KCNH3: variants seen among roughly 807,000 people sequenced by gnomAD.
KCNH3 encodes the protein voltage-gated inwardly rectifying potassium channel KCNH3.
KCNH3 carries 36 observed loss-of-function variants against 95.6 expected under a neutral mutation model. That is an observed-to-expected ratio of 0.38 (90% CI 0.29 to 0.50). The LOEUF is 0.50. Among genes scored for constraint, KCNH3 ranks in the 20% least tolerant of loss-of-function variants. The pLI is 0.95. For synonymous variants in KCNH3, 620 were observed against 646.3 expected, an observed-to-expected ratio of 0.96 and a Z score of 0.62; for missense variants, 1,030 against 1,484.1, an observed-to-expected ratio of 0.69 and a Z score of 5.03.
intron 11 of KCNH3, among the ~76,000 whole-genome samples, 164 bp downstream of exon 11, chr12:49,554,718 G>A (rs1339355235): frequency 3.3e-5 from 5 of 151,844 alleles, no homozygotes; most frequent in Non-Finnish European, 7.4e-5. Context: ...CCACACTCAT[G>A]TGCCCAGCCC....
Position 49,550,077 on chromosome 12 carries a change from C to T in KCNH3, c.1669-3C>T. 1 of 1,499,892 alleles carries T rather than the reference C, an allele frequency of 6.7e-7. No individual in the cohort carries two copies. The highest frequency in any genetic ancestry group is 9.1e-7 in the Non-Finnish European group (1 of 1,102,832). 92.9% of individuals were successfully genotyped at this position (1,499,892 alleles called of 1,614,324 possible). A position where few individuals can be genotyped will look rare whatever the true frequency, so the allele number is the denominator to read the frequency against. On this transcript the variant is annotated splice_region_variant and splice_polypyrimidine_tract_variant and intron_variant, in intron 9 of 14. Coordinates refer to ENST00000257981, the MANE Select transcript of KCNH3 (RefSeq NM_012284.3). ...CCCCACCCCCGCACCTGCTCACCTG[C>T]AGCTGCTGCAGAGCCTCCCTGACGA...
At chr12:49,552,788 A>T (rs1238828119) in intron 10 of KCNH3, among the ~76,000 whole-genome samples, 1 of 152,206 alleles carries the variant, frequency 6.6e-6, no homozygotes, top group Non-Finnish European at 1.5e-5. Context: ...GCACGTGCTT[A>T]TTCTATTTCA....
chr12:49,544,461 GT>G, intron 7 of KCNH3, 79 bp downstream of exon 7: 1 of 1,402,844 alleles, frequency 7.1e-7, no homozygotes, highest in Non-Finnish European at 9.9e-7. Context: ...GTGCAGATGT[GT>G]GGTGTCCCTA....
Position 49,557,478 on chromosome 12 carries a change from C to T in KCNH3, c.2777C>T (p.Pro926Leu), listed in dbSNP as rs571160119. ...TGCCCTCGGGCATCGGGAGAGGGGC[C>T]GTGCCCAGCCAGCACCTCCGGGCTT... Reference protein sequence around the residue: ...GPCPRASGEGPCPASTSGLLQ... With the variant: ...GPCPRASGEGLCPASTSGLLQ... Residue 926 changes from proline to leucine, a missense_variant, in exon 15 of 15, where the codon CCG (proline) becomes CTG (leucine). By Grantham distance (98) the Pro-to-Leu change is moderately conservative. Transcript: ENST00000257981. 1.4e-5 allele frequency: 22 copies of T among 1,611,220 alleles called. 1 individual carries two copies. Among genetic ancestry groups the T allele is most frequent in the South Asian group, 1.3e-4 (12 of 90,968 alleles).
chr12:49,557,262 GGGTGAGGGGGAAGGTGGA>G lies in KCNH3; in HGVS notation c.2652+14_2652+31del, dbSNP rs1565784014. 6.2e-7 allele frequency: 1 copy of G among 1,613,996 alleles called. No homozygotes were observed. The highest frequency in any genetic ancestry group is 8.5e-7 in the Non-Finnish European group (1 of 1,179,992). Reference sequence around the variant, plus strand: ...CACTGGACAAGCTTCGGCAGGCGGTGGGTGAGGGGGAAGGTGGAGGTGAGGGGGGCACCAGGGGAAGGC... The same window carrying G: ...CACTGGACAAGCTTCGGCAGGCGGTGGGTGAGGGGGGCACCAGGGGAAGGC... On this transcript the variant is annotated splice_donor_5th_base_variant and intron_variant, in intron 14 of 14. Transcript: ENST00000257981.
intron 7 of KCNH3, among the ~76,000 whole-genome samples, chr12:49,548,676 C>T (rs545290698): frequency 1.9e-4 from 29 of 152,266 alleles, no homozygotes; most frequent in African/African-American, 6.5e-4. Flanking sequence ...GTGTGATTTC[C>T]CTTGTGTCAT....
chr12:49,556,689 T>C, intron 13 of KCNH3: 1 of 697,706 alleles, frequency 1.4e-6, no homozygotes, highest in Non-Finnish European at 2.6e-6. Flanking sequence ...ACTGGGTTTA[T>C]ATCCTTGCTC....
At chr12:49,547,173 A>T (rs1244592106) in intron 7 of KCNH3, among the ~76,000 whole-genome samples, 1 of 152,128 alleles carries the variant, frequency 6.6e-6, no homozygotes, top group Non-Finnish European at 1.5e-5. Context: ...GATTACATGC[A>T]TGAGCCACTG....
Position 49,557,800 on chromosome 12 carries a change from G to A in KCNH3, c.3099G>A (p.Val1033=), listed in dbSNP as rs372734906. 9.3e-6 allele frequency: 15 copies of A among 1,605,524 alleles called. No individual in the cohort carries two copies. The African/African-American group carries it at 1.6e-4, about 17-fold the overall frequency. Residue 1033 remains valine (V), a synonymous_variant, in exon 15 of 15, where the codon GTG becomes GTA. Transcript: ENST00000257981. Reference sequence around the variant, plus strand: ...CTAGGACTGGGCCCGCAGAGCCTGTGAGCCAGGCTGAGGCTACCAGCACTG... The same window carrying A: ...CTAGGACTGGGCCCGCAGAGCCTGTAAGCCAGGCTGAGGCTACCAGCACTG... The part of the protein sequence containing the change: ...EGARTGPAEP[V]SQAEATSTGE...
chr12:49,549,370 C>T (rs1938179499), intron 8 of KCNH3, 71 bp from the exon 9 acceptor site: 2 of 1,558,730 alleles, frequency 1.3e-6, no homozygotes, highest in Non-Finnish European at 1.8e-6. Flanking sequence ...GGGCCGAGGA[C>T]AGATGAGCCC....
At position 49,551,744 on chromosome 12, in the gene KCNH3, G is replaced by A. The variant is rs143498683; in HGVS notation, c.1918+1415G>A. The stretch of plus-strand genomic sequence containing the variant: ...TGACCTGACCACTGCTGACGACATC[G>A]AATCCTCAGGCAGCCAAGGCACGTG... On this transcript the variant is annotated intron_variant, in intron 10 of 14. Coordinates refer to ENST00000257981, the MANE Select transcript of KCNH3 (RefSeq NM_012284.3). Among the ~76,000 whole-genome samples the A allele has an allele frequency of 1.5e-3, 221 of 152,266 alleles. No homozygotes were observed. In the South Asian group the frequency reaches 0.015, roughly 10 times the overall value.
chr12:49,541,793 G>T, intron 3 of KCNH3, 29 bp downstream of exon 3: 1 of 1,612,330 alleles, frequency 6.2e-7, no homozygotes, highest in Non-Finnish European at 8.5e-7. Context: ...TGTGGTCGGG[G>T]TATTGGGTGC....
At position 49,544,157 on chromosome 12, in the gene KCNH3, T is replaced by TCC; in HGVS notation, c.982-16_982-15dup. On this transcript the variant is annotated splice_polypyrimidine_tract_variant and intron_variant, in intron 6 of 14. Coordinates refer to ENST00000257981, the MANE Select transcript of KCNH3 (RefSeq NM_012284.3). ...CCGCTGACCTCCCTCCCTCCCTCCCTCCCTCCCCGCATCTCAGTACTTCGG... is the reference window on the plus strand; with the variant it reads ...CCGCTGACCTCCCTCCCTCCCTCCCTCCCCCTCCCCGCATCTCAGTACTTCGG... 3.0e-6 allele frequency: 1 copy of TCC among 329,826 alleles called. No homozygotes were observed. The highest frequency in any genetic ancestry group is 2.5e-5 in the South Asian group (1 of 40,690). 20.4% of individuals were successfully genotyped at this position (329,826 alleles called of 1,614,324 possible). A position where few individuals can be genotyped will look rare whatever the true frequency, so the allele number is the denominator to read the frequency against.
In KCNH3 at chr12:49,557,515, G is replaced by T; in HGVS notation, c.2814G>T (p.Leu938=). ...PASTSGLLQP[L]CVDTGASSYC... ...GCACCTCCGGGCTTCTGCAGCCTCTGTGTGTGGACACTGGGGCATCCTCCT... is the reference window on the plus strand; with the variant it reads ...GCACCTCCGGGCTTCTGCAGCCTCTTTGTGTGGACACTGGGGCATCCTCCT... The change falls in exon 15 of 15, where the codon CTG becomes CTT. Residue 938 remains leucine, a synonymous_variant. Transcript: ENST00000257981. 1 of 1,611,762 alleles carries T rather than the reference G, an allele frequency of 6.2e-7. No individual in the cohort carries two copies. The highest frequency in any genetic ancestry group is 8.5e-7 in the Non-Finnish European group (1 of 1,179,968).
At position 49,557,612 on chromosome 12, in the gene KCNH3, C is replaced by A. The variant is rs61744560; in HGVS notation, c.2911C>A (p.Leu971Ile). 78 of 1,613,402 alleles carry A rather than the reference C, an allele frequency of 4.8e-5. 3 individuals carry two copies. Among genetic ancestry groups the A allele is most frequent in the Non-Finnish European group, 7.6e-6 (9 of 1,179,960 alleles). Residue 971 changes from leucine (L) to isoleucine (I), a missense_variant, in exon 15 of 15, where the codon CTC becomes ATC. Physicochemically the swap from Leu to Ile is conservative, Grantham distance 5 (BLOSUM62 2). Coordinates refer to ENST00000257981, the MANE Select transcript of KCNH3 (RefSeq NM_012284.3). ...WPHPRPGPPP[L>I]MAPWPWGPPA... Reference sequence around the variant, plus strand: ...CCACCCTCGTCCGGGGCCTCCTCCCCTCATGGCACCCTGGCCCTGGGGTCC... The same window carrying A: ...CCACCCTCGTCCGGGGCCTCCTCCCATCATGGCACCCTGGCCCTGGGGTCC...
At position 49,544,225 on chromosome 12, in the gene KCNH3, C is replaced by A; in HGVS notation, c.1032C>A (p.Arg344=). The A allele has an allele frequency of 6.3e-7, 1 of 1,594,692 alleles. No homozygotes were observed. Among genetic ancestry groups the A allele is most frequent in the Non-Finnish European group, 8.5e-7 (1 of 1,173,712 alleles). ...LKTVRLLRLL[R]LLPRLDRYSQ... ...CGGTGCGCCTGCTGCGCCTGCTGCG[C>A]CTGCTTCCGCGGCTGGACCGGTACT... is the stretch of plus-strand genomic sequence containing the variant. Residue 344 remains arginine, a synonymous_variant, in exon 7 of 15, where the codon CGC becomes CGA. Transcript: ENST00000257981.
chr12:49,541,088 A>G lies in KCNH3; in HGVS notation c.266A>G (p.Glu89Gly). The change falls in exon 2 of 15, where the codon GAG becomes GGG. Residue 89 changes from glutamate to glycine, a missense_variant. This residue lies in a region of KCNH3 where 63 missense variants were observed against 107.7 expected (regional missense o/e 0.59). Coordinates refer to ENST00000257981, the MANE Select transcript of KCNH3 (RefSeq NM_012284.3). Reference protein sequence around the residue: ...VRQQIRKALDEHKEFKAELIL... With the variant: ...VRQQIRKALDGHKEFKAELIL... ...CAACAGATCCGCAAGGCCCTGGACGAGCACAAGGAGTTCAAGGCTGAGCTG... is the reference window on the plus strand; with the variant it reads ...CAACAGATCCGCAAGGCCCTGGACGGGCACAAGGAGTTCAAGGCTGAGCTG... 3 of 1,610,640 alleles carry G rather than the reference A, an allele frequency of 1.9e-6. No homozygotes were observed. The highest frequency in any genetic ancestry group is 2.5e-6 in the Non-Finnish European group (3 of 1,180,014).
At chr12:49,545,585 G>T (rs888137342) in intron 7 of KCNH3, among the ~76,000 whole-genome samples, 2 of 151,974 alleles carry the variant, frequency 1.3e-5, no homozygotes, top group Non-Finnish European at 2.9e-5. Flanking sequence ...TAGAGACAGG[G>T]TTTTACCATG....
intron 10 of KCNH3, among the ~76,000 whole-genome samples, chr12:49,552,423 T>C (rs1433280298): frequency 6.6e-6 from 1 of 152,222 alleles, no homozygotes; most frequent in South Asian, 2.1e-4. Flanking sequence ...TCACCTTCTA[T>C]ATGTTTTGGG....
Sources: allele counts gnomAD v4.1 joint callset (sites outside exome capture counted in the v4.1 genomes callset), GRCh38; gene constraint gnomAD v4.1.1; regional missense constraint gnomAD v4.1.1; transcripts MANE v1.5; gene names NCBI Gene and HGNC (gene_info 2026-07-23, HGNC 2026-07-21).